The following PAK5 variants were observed in gnomAD, a reference collection of about 807,000 sequenced individuals.
The protein encoded by PAK5 is serine/threonine-protein kinase PAK 5.
PAK5 carries 16 observed loss-of-function variants against 65.9 expected under a neutral mutation model. The ratio of observed to expected loss-of-function variants is 0.24; its 90% confidence interval spans 0.16 to 0.37. The LOEUF (loss-of-function observed/expected upper bound fraction) is 0.37. Among genes scored for constraint, PAK5 ranks in the 10% least tolerant of loss-of-function variants. The pLI, the probability that PAK5 is intolerant of heterozygous loss-of-function variation, is 1.00. For missense variants in PAK5, 785 were observed against 903.9 expected, an observed-to-expected ratio of 0.87 and a Z score of 1.69; for synonymous variants, 371 against 354.9, an observed-to-expected ratio of 1.05 and a Z score of -0.51.
chr20:9,565,767 G>A lies in PAK5; in HGVS notation c.1482+126C>T, dbSNP rs899515480. ...AAGACTAGAAGGAAATATTACAGGG[G>A]ACGCTATTTTTGTCTTTATATTTTC... On this transcript the variant is annotated intron_variant, in intron 5 of 9. Coordinates refer to ENST00000353224, the MANE Select transcript of PAK5 (RefSeq NM_177990.4). 1.7e-5 allele frequency: 16 copies of A among 926,396 alleles called. No individual in the cohort carries two copies. In the African/African-American group the frequency reaches 2.6e-4, roughly 15 times the overall value. The allele number at this position is 926,396 out of a possible 1,614,324, so 57.4% of individuals were successfully genotyped here. A position where few individuals can be genotyped will look rare whatever the true frequency, so the allele number is the denominator to read the frequency against.
At chr20:9,665,085 G>GGTTTTTTTTTTTT (rs1555910638) in intron 2 of PAK5, among the ~76,000 whole-genome samples, 12 of 98,920 alleles carry the variant, frequency 1.2e-4, no homozygotes, top group South Asian at 8.6e-4. Flanking sequence ...AAATTTTTCT[G>GGTTTTTTTTTTTT]TTTTTTTTTT....
chr20:9,743,406 G>GAAACA (rs59352524), intron 1 of PAK5, among the ~76,000 whole-genome samples: 113,508 of 150,174 alleles, frequency 0.76, 43,484 homozygotes, highest in Non-Finnish European at 0.82. Flanking sequence ...AAAAACAAAC[G>GAAACA]AAACAAAACA....
chr20:9,722,117 G>A (rs1040129259), intron 1 of PAK5, among the ~76,000 whole-genome samples: 8 of 152,216 alleles, frequency 5.3e-5, no homozygotes, highest in Admixed American at 1.3e-4. Flanking sequence ...AAGTTCATTC[G>A]AAGGGAAACT....
At chr20:9,717,294 T>C (rs1368878059) in intron 1 of PAK5, among the ~76,000 whole-genome samples, 1 of 152,136 alleles carries the variant, frequency 6.6e-6, no homozygotes, top group Non-Finnish European at 1.5e-5. Flanking sequence ...AGCTGCACGA[T>C]TTGAGGCAAT....
At chr20:9,782,924 C>CTTTTT (rs113360688) in intron 1 of PAK5, among the ~76,000 whole-genome samples, 1 of 143,432 alleles carries the variant, frequency 7.0e-6, no homozygotes, top group Non-Finnish European at 1.5e-5. Context: ...CTCTTTCTTT[C>CTTTTT]TTTTTTTTTT....
At chr20:9,739,840 C>G (rs62192881) in intron 1 of PAK5, among the ~76,000 whole-genome samples, 2 of 151,986 alleles carry the variant, frequency 1.3e-5, no homozygotes, top group Non-Finnish European at 2.9e-5. Context: ...CACCATGATT[C>G]TCAATTTGGA....
chr20:9,683,245 A>G (rs2047674152), intron 2 of PAK5, among the ~76,000 whole-genome samples: 1 of 152,244 alleles, frequency 6.6e-6, no homozygotes, highest in Non-Finnish European at 1.5e-5. Context: ...GGAAAAATAC[A>G]TGCCCCACAG....
intron 2 of PAK5, among the ~76,000 whole-genome samples, chr20:9,710,290 TA>T (rs1470725316): frequency 2.0e-5 from 3 of 152,144 alleles, no homozygotes; most frequent in African/African-American, 7.2e-5. Flanking sequence ...CCACCTAGAA[TA>T]TGAGATTTTG....
chr20:9,560,218 G>T (rs2045571513), intron 6 of PAK5, among the ~76,000 whole-genome samples: 1 of 152,172 alleles, frequency 6.6e-6, no homozygotes, highest in South Asian at 2.1e-4. Flanking sequence ...ATGGCCAGCT[G>T]GAGAATCGTT....
chr20:9,750,894 G>T (rs1256162816), intron 1 of PAK5, among the ~76,000 whole-genome samples: 1 of 152,108 alleles, frequency 6.6e-6, no homozygotes, highest in Non-Finnish European at 1.5e-5. Context: ...TTACATTATA[G>T]TCTAGAGTAG....
At chr20:9,694,326 G>C (rs868224225) in intron 2 of PAK5, among the ~76,000 whole-genome samples, 2 of 138,612 alleles carry the variant, frequency 1.4e-5, no homozygotes, top group African/African-American at 6.3e-5. Context: ...GTGTTTGTGT[G>C]TGTGTGTGTG....
chr20:9,747,340 C>A (rs528251984), intron 1 of PAK5, among the ~76,000 whole-genome samples: 6 of 152,156 alleles, frequency 3.9e-5, no homozygotes, highest in African/African-American at 1.4e-4. Context: ...TTTTATGAGG[C>A]CAGCATCATC....
At chr20:9,620,561 G>C (rs2046749702) in intron 3 of PAK5, among the ~76,000 whole-genome samples, 1 of 152,216 alleles carries the variant, frequency 6.6e-6, no homozygotes, top group Non-Finnish European at 1.5e-5. Flanking sequence ...CCTGGATGGG[G>C]AAGAGGTTGC....
intron 2 of PAK5, among the ~76,000 whole-genome samples, chr20:9,660,736 A>G (rs556337644): frequency 6.3e-4 from 96 of 152,262 alleles, no homozygotes; most frequent in Non-Finnish European, 1.2e-3. Context: ...TTCTAGTAAG[A>G]GTCAACAGCA....
chr20:9,722,769 C>T (rs1412024942), intron 1 of PAK5, among the ~76,000 whole-genome samples: 1 of 150,744 alleles, frequency 6.6e-6, no homozygotes, highest in Non-Finnish European at 1.5e-5. Context: ...AGAAGGCTTG[C>T]TCTATCGCCC....
At chr20:9,711,920 C>G (rs909596769) in intron 1 of PAK5, among the ~76,000 whole-genome samples, 2 of 152,214 alleles carry the variant, frequency 1.3e-5, no homozygotes, top group African/African-American at 4.8e-5. Context: ...TTCCACAACT[C>G]TGTGGCTCCA....
intron 1 of PAK5, among the ~76,000 whole-genome samples, chr20:9,779,627 G>T (rs1366780456): frequency 4.6e-5 from 7 of 151,742 alleles, no homozygotes; most frequent in Admixed American, 4.6e-4. Context: ...GGGAGGAAGG[G>T]AGATAGAGAG....
chr20:9,566,169 G>A lies in PAK5; in HGVS notation c.1206C>T (p.Ser402=), dbSNP rs752168328. ...SQYISTASYL[S]SLSLSSSTYP... is the part of the protein sequence containing the mutation. ...AGGTGCTGGATGAGAGGCTGAGGGA[G>A]CTCAGGTAGGAAGCCGTGGAGATGT... Residue 402 remains serine, a synonymous_variant, in exon 5 of 10, where the codon AGC becomes AGT. Transcript: ENST00000353224. 2 of 1,613,994 alleles carry A rather than the reference G, an allele frequency of 1.2e-6. No homozygotes were observed. The highest frequency in any genetic ancestry group is 1.7e-6 in the Non-Finnish European group (2 of 1,179,984).
chr20:9,641,086 G>A (rs1245688907), intron 3 of PAK5, among the ~76,000 whole-genome samples: 15 of 152,136 alleles, frequency 9.9e-5, no homozygotes, highest in African/African-American at 2.4e-4. Flanking sequence ...TGATTGGTGC[G>A]TTTACAATCC....
Sources: gnomAD v4.1 joint callset for allele counts (sites outside exome capture counted in the v4.1 genomes callset) on GRCh38, gnomAD v4.1.1 for gene constraint, MANE v1.5 for transcripts, NCBI Gene and HGNC (gene_info 2026-07-23, HGNC 2026-07-21) for gene names.